ZNF407: variants seen among roughly 807,000 people sequenced by gnomAD.
ZNF407 encodes the protein zinc finger protein 407.
Under a neutral mutation model 131.2 loss-of-function variants are expected in ZNF407, and 17 were observed. That is an observed-to-expected ratio of 0.13 (90% CI 0.09 to 0.19). ZNF407 has a LOEUF of 0.19. ZNF407 is among the 10% of genes least tolerant of loss of function. ZNF407 has a pLI of 1.00. For missense variants in ZNF407, 2,681 were observed against 2,830.6 expected (o/e 0.95, Z 1.20); for synonymous variants, 1,156 against 1,062.0 (o/e 1.09, Z -1.72).
chr18:74,626,417 C>G (rs1315206687), intron 1 of ZNF407, among the ~76,000 whole-genome samples: 3 of 152,146 alleles, frequency 2.0e-5, no homozygotes, highest in Admixed American at 6.5e-5. Flanking sequence ...TATTCTTGCT[C>G]AAGTATACTG....
At chr18:75,011,903 T>C in intron 8 of ZNF407, among the ~76,000 whole-genome samples, 1 of 152,136 alleles carries the variant, frequency 6.6e-6, no homozygotes, top group East Asian at 1.9e-4. Flanking sequence ...TTCTAGCAAG[T>C]GTTTAGGAAG....
At chr18:75,058,565 A>T (rs1973588576) in intron 8 of ZNF407, among the ~76,000 whole-genome samples, 1 of 152,214 alleles carries the variant, frequency 6.6e-6, no homozygotes, top group South Asian at 2.1e-4. Context: ...TTTTAAAGGT[A>T]CCGTAATACA....
intron 8 of ZNF407, among the ~76,000 whole-genome samples, chr18:75,017,173 A>T (rs1031648688): frequency 6.6e-6 from 1 of 152,150 alleles, no homozygotes; most frequent in Non-Finnish European, 1.5e-5. Context: ...ATTTACCATT[A>T]CTATGACTAA....
intron 3 of ZNF407, among the ~76,000 whole-genome samples, chr18:74,676,094 G>T (rs1247886830): frequency 6.6e-6 from 1 of 151,836 alleles, no homozygotes; most frequent in African/African-American, 2.4e-5. Context: ...CTTCCTCTTA[G>T]AATTTTTTTT....
chr18:74,701,845 A>G (rs949767190), intron 3 of ZNF407, among the ~76,000 whole-genome samples: 3 of 152,118 alleles, frequency 2.0e-5, no homozygotes, highest in Non-Finnish European at 4.4e-5. Flanking sequence ...AAGAGAGACT[A>G]TTTTACAGAT....
intron 8 of ZNF407, among the ~76,000 whole-genome samples, chr18:75,061,115 G>A (rs1973628481): frequency 6.6e-6 from 1 of 152,202 alleles, no homozygotes; most frequent in Non-Finnish European, 1.5e-5. Context: ...AAGCAAAATG[G>A]TTGACTCTGT....
At chr18:74,963,403 T>C (rs985467423) in intron 8 of ZNF407, among the ~76,000 whole-genome samples, 3 of 152,198 alleles carry the variant, frequency 2.0e-5, no homozygotes, top group African/African-American at 7.2e-5. Flanking sequence ...GACCTGCAGG[T>C]TATCGGGTGG....
chr18:74,740,733 A>G (rs1403826040), intron 3 of ZNF407, among the ~76,000 whole-genome samples: 1 of 152,042 alleles, frequency 6.6e-6, no homozygotes, highest in South Asian at 2.1e-4. Flanking sequence ...CCTTGTATGG[A>G]TACTGCCTCC....
chr18:74,898,866 G>T (rs1164132877), intron 7 of ZNF407, among the ~76,000 whole-genome samples: 3 of 152,138 alleles, frequency 2.0e-5, no homozygotes, highest in African/African-American at 7.2e-5. Context: ...TAATATTTTG[G>T]ATTGAAGTGT....
intron 3 of ZNF407, among the ~76,000 whole-genome samples, chr18:74,746,910 A>G (rs1358850051): frequency 1.3e-5 from 2 of 152,188 alleles, no homozygotes; most frequent in Non-Finnish European, 2.9e-5. Context: ...TACTGTTAAT[A>G]ATTAGTTATG....
chr18:74,752,517 T>C (rs1467586300), intron 3 of ZNF407, among the ~76,000 whole-genome samples: 6 of 152,220 alleles, frequency 3.9e-5, no homozygotes, highest in Admixed American at 1.3e-4. Context: ...GGTCTAACAT[T>C]TAAGTCTTTA....
intron 7 of ZNF407, among the ~76,000 whole-genome samples, chr18:74,906,821 A>G (rs1971601606): frequency 6.6e-6 from 1 of 152,010 alleles, no homozygotes; most frequent in Admixed American, 6.6e-5. Flanking sequence ...GTATGTCTGT[A>G]TGTGCATGCA....
At chr18:75,040,654 A>G (rs1001010313) in intron 8 of ZNF407, among the ~76,000 whole-genome samples, 4 of 152,228 alleles carry the variant, frequency 2.6e-5, no homozygotes, top group Non-Finnish European at 4.4e-5. Flanking sequence ...CTCTGCAGAT[A>G]GACCCTCTTT....
At position 74,986,760 on chromosome 18, in the gene ZNF407, C is replaced by T. The variant is rs188181272; in HGVS notation, c.5428+66068C>T. ...ATATGGATTGAAAAACACACACAAA[C>T]GCACACACACTTTTCGATGAGTATG... On this transcript the variant is annotated intron_variant, in intron 8 of 8. Transcript: ENST00000299687. 1.8e-4 allele frequency among the ~76,000 whole-genome samples: 27 copies of T among 152,274 alleles called. No homozygotes were observed. In the East Asian group the frequency reaches 4.0e-3, roughly 23 times the overall value.
chr18:74,965,109 T>C (rs1486369325), intron 8 of ZNF407, among the ~76,000 whole-genome samples: 1 of 152,228 alleles, frequency 6.6e-6, no homozygotes, highest in South Asian at 2.1e-4. Context: ...CATGCAATCA[T>C]GGAGAGTGAA....
chr18:74,693,144 G>A (rs1021810663), intron 3 of ZNF407, among the ~76,000 whole-genome samples: 1 of 152,120 alleles, frequency 6.6e-6, no homozygotes, highest in Non-Finnish European at 1.5e-5. Flanking sequence ...ACTTTCCTCC[G>A]CCCAAGCTGA....
At chr18:74,981,618 G>A (rs935005928) in intron 8 of ZNF407, among the ~76,000 whole-genome samples, 6 of 152,140 alleles carry the variant, frequency 3.9e-5, no homozygotes, top group East Asian at 1.9e-4. Context: ...GAGGGGTCCC[G>A]AAAGGCTTCC....
intron 8 of ZNF407, among the ~76,000 whole-genome samples, chr18:75,054,418 CTATAA>C (rs1288014960): frequency 6.6e-6 from 1 of 152,082 alleles, no homozygotes. Context: ...TATGAAGATA[CTATAA>C]TATAAAGGAA....
At chr18:74,981,794 T>A (rs1972596663) in intron 8 of ZNF407, among the ~76,000 whole-genome samples, 1 of 152,248 alleles carries the variant, frequency 6.6e-6, no homozygotes, top group Non-Finnish European at 1.5e-5. Flanking sequence ...CCAGTTACAA[T>A]TTTACTTTGC....
Sources: allele counts gnomAD v4.1 joint callset (sites outside exome capture counted in the v4.1 genomes callset), GRCh38; gene constraint gnomAD v4.1.1; transcripts MANE v1.5; gene names NCBI Gene and HGNC (gene_info 2026-07-23, HGNC 2026-07-21).